Variants in PLCB1 observed in about 807,000 individuals in gnomAD.
PLCB1 encodes 1-phosphatidylinositol 4,5-bisphosphate phosphodiesterase beta-1.
Under a neutral mutation model 161.8 loss-of-function variants are expected in PLCB1, and 46 were observed. The ratio of observed to expected loss-of-function variants is 0.28; its 90% CI spans 0.22 to 0.36. The LOEUF (loss-of-function observed/expected upper bound fraction) is 0.36, where lower values mean the gene tolerates loss of function less well. Among genes scored for constraint, PLCB1 ranks in the 10% least tolerant of loss-of-function variants. The pLI is 1.00. For synonymous variants in PLCB1, 517 were observed against 503.7 expected (o/e 1.03, Z -0.35); for missense variants, 1,016 against 1,472.5 (o/e 0.69, Z 5.07).
chr20:8,139,667 G>T (rs2123010242), intron 1 of PLCB1, among the ~76,000 whole-genome samples: 1 of 152,214 alleles, frequency 6.6e-6, no homozygotes, highest in Admixed American at 6.5e-5. Context: ...TATAGAAGAA[G>T]CCATACAAGC....
intron 3 of PLCB1, among the ~76,000 whole-genome samples, chr20:8,377,167 G>A (rs1376354716): frequency 1.3e-5 from 2 of 152,044 alleles, no homozygotes; most frequent in Non-Finnish European, 2.9e-5. Flanking sequence ...AAGCGGGATC[G>A]GAGACCTGAG....
intron 24 of PLCB1, 59 bp downstream of exon 24, chr20:8,757,237 A>G: frequency 6.6e-7 from 1 of 1,523,216 alleles, no homozygotes; most frequent in Non-Finnish European, 8.9e-7. Context: ...CATTAGTGCC[A>G]CTGACGGAGG....
chr20:8,557,011 TA>T (rs869068477), intron 3 of PLCB1, among the ~76,000 whole-genome samples: 25 of 116,594 alleles, frequency 2.1e-4, no homozygotes, highest in African/African-American at 7.0e-4. Context: ...AATAAATAAA[TA>T]AAATAAATAA....
rs145818521 is a variant in PLCB1, at chr20:8,541,211, G to A, written c.247-87083G>A. On this transcript the variant is annotated intron_variant, in intron 3 of 31. Coordinates refer to ENST00000338037, the MANE Select transcript of PLCB1 (RefSeq NM_015192.4). Reference sequence around the variant, plus strand: ...CAACCCCACCTGGGTTGGTATTTGGGTTTCAACATATAGTAGCTTTGTAAC... The same window carrying A: ...CAACCCCACCTGGGTTGGTATTTGGATTTCAACATATAGTAGCTTTGTAAC... Among the ~76,000 whole-genome samples, 399 of 152,258 alleles carry A rather than the reference G, an allele frequency of 2.6e-3. 1 individual carries two copies. The highest frequency in any genetic ancestry group is 8.8e-3 in the African/African-American group (364 of 41,546).
At chr20:8,326,918 C>T (rs1985176876) in intron 2 of PLCB1, among the ~76,000 whole-genome samples, 1 of 152,208 alleles carries the variant, frequency 6.6e-6, no homozygotes, top group African/African-American at 2.4e-5. Context: ...CAGGGTCTTG[C>T]TCTGTCGCTC....
intron 24 of PLCB1, among the ~76,000 whole-genome samples, chr20:8,758,555 T>C (rs930813374): frequency 6.6e-6 from 1 of 151,886 alleles, no homozygotes; most frequent in African/African-American, 2.4e-5. Flanking sequence ...CACTCCAGCC[T>C]GAGTGACAGA....
chr20:8,416,929 TAC>T (rs56097941), intron 3 of PLCB1, among the ~76,000 whole-genome samples: 32,218 of 126,086 alleles, frequency 0.26, 4,394 homozygotes, highest in East Asian at 0.49. Context: ...AGAGACAGAA[TAC>T]ACACACACAC....
intron 3 of PLCB1, among the ~76,000 whole-genome samples, chr20:8,537,137 A>G (rs908047322): frequency 8.5e-5 from 13 of 152,318 alleles, no homozygotes; most frequent in Admixed American, 8.5e-4. Context: ...AGAAGACGAG[A>G]TAGAGGCAAG....
chr20:8,628,932 C>CA (rs540325935), intron 4 of PLCB1, among the ~76,000 whole-genome samples: 2,350 of 144,480 alleles, frequency 0.016, 27 homozygotes, highest in Non-Finnish European at 0.025. Context: ...GACTGTATCT[C>CA]AAAAAAAAAA....
intron 2 of PLCB1, among the ~76,000 whole-genome samples, chr20:8,153,691 T>C (rs1169768615): frequency 2.0e-5 from 3 of 152,178 alleles, no homozygotes; most frequent in Non-Finnish European, 4.4e-5. Flanking sequence ...GCCCTGCTTC[T>C]GTGCCAAGGT....
intron 2 of PLCB1, among the ~76,000 whole-genome samples, chr20:8,197,769 C>G (rs953232623): frequency 3.3e-5 from 5 of 152,128 alleles, no homozygotes; most frequent in Non-Finnish European, 7.4e-5. Context: ...CCTAGGTTTT[C>G]TTCTAGGGTT....
rs182729188 is a variant in PLCB1 at position 8,497,809 on chromosome 20, T to A, written c.246+126359T>A. ...AGGTATCTAAATTCCTCATACATTTTTAAAATCAGTTAATAAATAGTAAAC... is the reference window on the plus strand; with the variant it reads ...AGGTATCTAAATTCCTCATACATTTATAAAATCAGTTAATAAATAGTAAAC... On this transcript the variant is annotated intron_variant, in intron 3 of 31. Coordinates refer to ENST00000338037, the MANE Select transcript of PLCB1 (RefSeq NM_015192.4). 4.6e-5 allele frequency among the ~76,000 whole-genome samples: 7 copies of A among 152,326 alleles called. No individual in the cohort carries two copies. The East Asian group carries it at 1.3e-3, about 29-fold the overall frequency.
At chr20:8,638,474 A>G (rs915230343) in intron 4 of PLCB1, among the ~76,000 whole-genome samples, 2 of 152,100 alleles carry the variant, frequency 1.3e-5, no homozygotes, top group African/African-American at 2.4e-5. Context: ...AAATTCTAAA[A>G]TCAGTCAAGG....
intron 3 of PLCB1, among the ~76,000 whole-genome samples, chr20:8,479,785 T>C (rs1568692001): frequency 1.3e-5 from 2 of 152,368 alleles, no homozygotes; most frequent in East Asian, 3.9e-4. Flanking sequence ...CTCTTGCATT[T>C]CTGCCCTTTA....
At chr20:8,648,596 G>A (rs1989229613) in intron 6 of PLCB1, among the ~76,000 whole-genome samples, 1 of 152,232 alleles carries the variant, frequency 6.6e-6, no homozygotes, top group Admixed American at 6.5e-5. Flanking sequence ...GTCATATCCA[G>A]CCAAAAGTCT....
chr20:8,519,951 T>C (rs144889549), intron 3 of PLCB1, among the ~76,000 whole-genome samples: 1 of 152,278 alleles, frequency 6.6e-6, no homozygotes, highest in Non-Finnish European at 1.5e-5. Context: ...TTATAAGAAA[T>C]TCTGACTCAG....
At chr20:8,857,680 A>G (rs1159554838) in intron 31 of PLCB1, among the ~76,000 whole-genome samples, 1 of 152,220 alleles carries the variant, frequency 6.6e-6, no homozygotes, top group African/African-American at 2.4e-5. Flanking sequence ...TTCTTCAGCA[A>G]TATATGAAAG....
At chr20:8,351,072 T>C (rs1986162201) in intron 2 of PLCB1, among the ~76,000 whole-genome samples, 2 of 152,098 alleles carry the variant, frequency 1.3e-5, no homozygotes, top group Admixed American at 6.5e-5. Context: ...AGAATAAAGT[T>C]AGAGAACTCA....
intron 2 of PLCB1, among the ~76,000 whole-genome samples, chr20:8,362,843 T>G (rs1023165543): frequency 1.4e-4 from 21 of 152,328 alleles, no homozygotes; most frequent in African/African-American, 2.6e-4. Context: ...TACACAATAC[T>G]CCTGCTACCT....
Sources: allele counts gnomAD v4.1 joint callset (sites outside exome capture counted in the v4.1 genomes callset), GRCh38; gene constraint gnomAD v4.1.1; transcripts MANE v1.5; gene names NCBI Gene and HGNC (gene_info 2026-07-23, HGNC 2026-07-21).